ATP13A5: variants seen among roughly 807,000 people sequenced by gnomAD.
ATP13A5 encodes ATPase 13A5, also known as probable cation-transporting ATPase 13A5.
ATP13A5 carries 149 observed loss-of-function variants against 150.2 expected under a neutral mutation model. The ratio of observed to expected loss-of-function variants is 0.99; its 90% CI spans 0.87 to 1.14. ATP13A5 has a LOEUF of 1.14. Among genes scored for constraint, ATP13A5 ranks in the 50% most tolerant of loss-of-function variants. ATP13A5 has a pLI of 0.00. For synonymous variants in ATP13A5, 497 were observed against 522.2 expected (o/e 0.95, Z 0.66); for missense variants, 1,383 against 1,449.3 (o/e 0.95, Z 0.74).
At chr3:193,276,969 T>C (rs1318273882) in intron 28 of ATP13A5, 139 bp from the exon 29 acceptor site, 3 of 631,176 alleles carry the variant, frequency 4.8e-6, no homozygotes, top group East Asian at 5.7e-5. Flanking sequence ...TTACAGATAA[T>C]ACAACTGAAG....
intron 17 of ATP13A5, among the ~76,000 whole-genome samples, chr3:193,317,426 A>G (rs533900615): frequency 6.6e-6 from 1 of 152,198 alleles, no homozygotes; most frequent in Non-Finnish European, 1.5e-5. Context: ...TTCACTTCCA[A>G]ATAAGTTCTC....
At chr3:193,300,080 A>C (rs1313568356) in intron 24 of ATP13A5, among the ~76,000 whole-genome samples, 1 of 152,140 alleles carries the variant, frequency 6.6e-6, no homozygotes, top group Non-Finnish European at 1.5e-5. Flanking sequence ...GGCTTTGGAA[A>C]ATGAATTTCT....
chr3:193,351,183 CAT>C lies in ATP13A5; in HGVS notation c.623_624del (p.Tyr208CysfsTer36). 1 of 1,613,730 alleles carries C rather than the reference CAT, an allele frequency of 6.2e-7. No homozygotes were observed. The highest frequency in any genetic ancestry group is 8.5e-7 in the Non-Finnish European group (1 of 1,179,676). ...AAAGTTAGGGTGAAGGCTTGGAACA[CAT>C]AGAATGGATTTAAAACCTGCAGGCA... is the stretch of plus-strand genomic sequence containing the variant. ...LLVKQVLNPF[Y>X]VFQAFTLTLW... On this transcript the variant is annotated frameshift_variant, in exon 7 of 30. Coordinates refer to ENST00000342358, the MANE Select transcript of ATP13A5 (RefSeq NM_198505.4). LOFTEE classifies it high-confidence loss of function.
Position 193,319,070 on chromosome 3 carries a change from C to T in ATP13A5, c.1954G>A (p.Val652Met), listed in dbSNP as rs1489058857. The change falls in exon 17 of 30, where the codon GTG becomes ATG. Residue 652 changes from valine (V) to methionine (M), a missense_variant. Val to Met is a conservative substitution (Grantham distance 21, BLOSUM62 1). This residue lies in a region of ATP13A5 where 28 missense variants were observed against 55.9 expected (regional missense o/e 0.50). Coordinates refer to ENST00000342358, the MANE Select transcript of ATP13A5 (RefSeq NM_198505.4). ...NFPQELRSYT[V>M]QGFRVIALAH... is the part of the protein sequence containing the mutation. ...AGAGCAATGACACGGAAGCCTTGCA[C>T]CGTGTAACTCCTCAGTTCCTGTGGG... 1 of 1,613,792 alleles carries T rather than the reference C, an allele frequency of 6.2e-7. No homozygotes were observed. The highest frequency in any genetic ancestry group is 1.3e-5 in the African/African-American group (1 of 74,914).
At chr3:193,334,316 T>C (rs1399044589) in intron 10 of ATP13A5, among the ~76,000 whole-genome samples, 1 of 152,174 alleles carries the variant, frequency 6.6e-6, no homozygotes, top group Non-Finnish European at 1.5e-5. Context: ...GAGGCCTTCA[T>C]TGTGTCACGT....
intron 9 of ATP13A5, among the ~76,000 whole-genome samples, chr3:193,343,507 AG>A (rs1232243265): frequency 1.3e-5 from 2 of 152,174 alleles, no homozygotes; most frequent in African/African-American, 4.8e-5. Flanking sequence ...TACAGAGTGC[AG>A]GGTTGGATAA....
At chr3:193,318,178 T>G (rs1001704080) in intron 17 of ATP13A5, among the ~76,000 whole-genome samples, 1 of 152,228 alleles carries the variant, frequency 6.6e-6, no homozygotes, top group Non-Finnish European at 1.5e-5. Flanking sequence ...TGTTTACTAA[T>G]TAACTTAGAG....
chr3:193,318,935 G>A, intron 17 of ATP13A5, 56 bp downstream of exon 17: 1 of 1,220,794 alleles, frequency 8.2e-7, no homozygotes, highest in Non-Finnish European at 1.2e-6. Context: ...TCATCTCCAG[G>A]ACTCGCACTT....
chr3:193,346,076 T>C (rs184542171), intron 7 of ATP13A5, among the ~76,000 whole-genome samples: 368 of 152,198 alleles, frequency 2.4e-3, no homozygotes, highest in Non-Finnish European at 3.6e-3. Context: ...TGCTTATGAG[T>C]TATTTAGCCT....
chr3:193,337,577 T>G (rs945864396), intron 9 of ATP13A5, among the ~76,000 whole-genome samples: 3 of 152,230 alleles, frequency 2.0e-5, no homozygotes, highest in African/African-American at 7.2e-5. Flanking sequence ...TCTGTTCTTT[T>G]CCATTGGTCT....
intron 19 of ATP13A5, among the ~76,000 whole-genome samples, 187 bp from the exon 20 acceptor site, chr3:193,312,128 T>C (rs1218537986): frequency 6.6e-6 from 1 of 152,224 alleles, no homozygotes; most frequent in Non-Finnish European, 1.5e-5. Flanking sequence ...CCCAAGATTA[T>C]GTAAACATAT....
intron 24 of ATP13A5, among the ~76,000 whole-genome samples, chr3:193,300,840 C>T (rs1718369083): frequency 6.6e-6 from 1 of 152,118 alleles, no homozygotes; most frequent in Non-Finnish European, 1.5e-5. Context: ...GCTTCTCTTC[C>T]TTTTTATCTC....
At chr3:193,323,922 A>T (rs1719379198) in intron 14 of ATP13A5, 1 of 152,158 alleles carries the variant, frequency 6.6e-6, no homozygotes, top group Non-Finnish European at 1.5e-5. Flanking sequence ...TTTATACATC[A>T]TTGGACACAG....
chr3:193,292,324 G>A (rs1226448970), intron 25 of ATP13A5, among the ~76,000 whole-genome samples: 1 of 152,128 alleles, frequency 6.6e-6, no homozygotes, highest in Non-Finnish European at 1.5e-5. Flanking sequence ...AGTGGAGAGA[G>A]TAAAATTGCT....
At position 193,331,187 on chromosome 3, in the gene ATP13A5, A is replaced by G. The variant is rs1443579019; in HGVS notation, c.1397T>C (p.Ile466Thr). ...YAQKRLKKKK[I>T]FCISPQRINM... is the part of the protein sequence containing the mutation. Reference sequence around the variant, plus strand: ...GATTCTCTGTGGGGAGATACAGAAGATTTTCTTTTTCTTCAGTCTCTTCTG... The same window carrying G: ...GATTCTCTGTGGGGAGATACAGAAGGTTTTCTTTTTCTTCAGTCTCTTCTG... The change falls in exon 12 of 30, where the codon ATC becomes ACC. Residue 466 changes from isoleucine to threonine, a missense_variant. By Grantham distance (89) the Ile-to-Thr change is moderately conservative. This residue lies in a region of ATP13A5 where 787 missense variants were observed against 771.9 expected (regional missense o/e 1.02). Transcript: ENST00000342358. 6.2e-7 allele frequency: 1 copy of G among 1,613,936 alleles called. No homozygotes were observed. Among genetic ancestry groups the G allele is most frequent in the South Asian group, 1.1e-5 (1 of 91,054 alleles).
intron 1 of ATP13A5, among the ~76,000 whole-genome samples, chr3:193,370,406 A>G (rs1266729194): frequency 2.0e-5 from 3 of 152,168 alleles, no homozygotes; most frequent in African/African-American, 7.2e-5. Context: ...AACTTGCTGA[A>G]CTTCAGATTT....
chr3:193,342,641 C>A (rs1240578673), intron 9 of ATP13A5, among the ~76,000 whole-genome samples: 2 of 152,130 alleles, frequency 1.3e-5, no homozygotes, highest in Admixed American at 1.3e-4. Flanking sequence ...CATTTCTATT[C>A]CTCTGGAACT....
At chr3:193,319,159 C>G (rs1488298176) in intron 16 of ATP13A5, 51 bp from the exon 17 acceptor site, 1 of 1,319,068 alleles carries the variant, frequency 7.6e-7, no homozygotes, top group Non-Finnish European at 1.1e-6. Context: ...GAAGGCTGGT[C>G]TAAGCAAGAC....
intron 1 of ATP13A5, 40 bp downstream of exon 1, chr3:193,378,623 G>A: frequency 6.4e-7 from 1 of 1,557,830 alleles, no homozygotes; most frequent in Middle Eastern, 1.7e-4. Flanking sequence ...CACCGCCTTG[G>A]GCTCTTTGAG....
Sources: gnomAD v4.1 joint callset for allele counts (sites outside exome capture counted in the v4.1 genomes callset) on GRCh38, gnomAD v4.1.1 for gene constraint, gnomAD v4.1.1 regional missense constraint, MANE v1.5 for transcripts, NCBI Gene and HGNC (gene_info 2026-07-23, HGNC 2026-07-21) for gene names.